Variants in MRNIP observed in about 807,000 individuals in gnomAD.
MRNIP encodes the protein MRN complex-interacting protein.
MRNIP carries 30 observed loss-of-function variants against 29.8 expected under a neutral mutation model. The ratio of observed to expected loss-of-function variants is 1.01; its 90% CI spans 0.75 to 1.36. The LOEUF is 1.36. Among genes scored for constraint, MRNIP ranks in the 40% most tolerant of loss-of-function variants. MRNIP has a pLI of 0.00. For synonymous variants in MRNIP, 201 were observed against 164.1 expected (o/e 1.23, Z -1.72); for missense variants, 459 against 423.5 (o/e 1.08, Z -0.74).
intron 1 of MRNIP, among the ~76,000 whole-genome samples, chr5:179,857,810 C>T (rs1430784931): frequency 2.6e-5 from 4 of 152,052 alleles, no homozygotes; most frequent in African/African-American, 9.7e-5. Flanking sequence ...GTCAGGAGTT[C>T]GAGACCGGCC....
At chr5:179,841,151 G>A (rs1758867460) in intron 5 of MRNIP, 192 bp from the exon 6 acceptor site, 2 of 575,320 alleles carry the variant, frequency 3.5e-6, no homozygotes, top group Non-Finnish European at 6.2e-6. Flanking sequence ...GTGCTAGAAA[G>A]TTTTGTTTTT....
intron 4 of MRNIP, among the ~76,000 whole-genome samples, chr5:179,842,786 A>G (rs1242048874): frequency 6.8e-6 from 1 of 146,502 alleles, no homozygotes; most frequent in African/African-American, 2.5e-5. Flanking sequence ...TAACCCTAGC[A>G]CCGTGGGAGG....
At chr5:179,851,802 C>T (rs1020286806) in intron 2 of MRNIP, among the ~76,000 whole-genome samples, 1 of 151,898 alleles carries the variant, frequency 6.6e-6, no homozygotes, top group Non-Finnish European at 1.5e-5. Flanking sequence ...CATGGTGAAA[C>T]CCCATCTCTA....
At chr5:179,853,184 C>T (rs1373528872) in intron 2 of MRNIP, 194 bp downstream of exon 2, 2 of 1,509,962 alleles carry the variant, frequency 1.3e-6, no homozygotes, top group Admixed American at 2.0e-5. Flanking sequence ...AATGAAGAAT[C>T]AAATGGCAGT....
intron 3 of MRNIP, among the ~76,000 whole-genome samples, chr5:179,845,078 A>C (rs1759072325): frequency 6.6e-6 from 1 of 152,026 alleles, no homozygotes; most frequent in African/African-American, 2.4e-5. Flanking sequence ...ACTTTCCCTT[A>C]TATTTTCTAC....
Position 179,837,277 on chromosome 5 carries a change from G to A in MRNIP, c.*114C>T. 3 of 1,606,798 alleles carry A rather than the reference G, an allele frequency of 1.9e-6. No individual in the cohort carries two copies. In the South Asian group the frequency reaches 3.3e-5, roughly 18 times the overall value. On this transcript the variant is annotated 3_prime_UTR_variant, in exon 7 of 7. Transcript: ENST00000292586. ...CAATGACGTTTGCATAGAGAGAAAT[G>A]ATTGACAGTAAGTTTATTGTTAATG...
chr5:179,858,608 G>T, intron 1 of MRNIP, 123 bp downstream of exon 1: 1 of 626,238 alleles, frequency 1.6e-6, no homozygotes, highest in African/African-American at 1.9e-5. Context: ...GCCCTCAGCG[G>T]TCCCTGCACT....
intron 4 of MRNIP, among the ~76,000 whole-genome samples, chr5:179,842,543 A>C (rs998430030): frequency 1.4e-4 from 21 of 150,330 alleles, no homozygotes; most frequent in East Asian, 7.9e-4. Context: ...CAAAAAAAAA[A>C]CAAAAAATTA....
At chr5:179,854,808 G>GT (rs1408850509) in intron 1 of MRNIP, among the ~76,000 whole-genome samples, 2 of 151,800 alleles carry the variant, frequency 1.3e-5, no homozygotes, top group African/African-American at 2.4e-5. Context: ...AAAAAATTCC[G>GT]TAACATTTAT....
intron 2 of MRNIP, among the ~76,000 whole-genome samples, chr5:179,848,727 T>C (rs1018320123): frequency 1.3e-5 from 2 of 152,344 alleles, no homozygotes; most frequent in Middle Eastern, 3.4e-3. Context: ...CCGTTTTACA[T>C]AAGGTGTTCA....
chr5:179,856,885 T>A (rs1322636950), intron 1 of MRNIP, among the ~76,000 whole-genome samples: 1 of 150,756 alleles, frequency 6.6e-6, no homozygotes, highest in East Asian at 2.0e-4. Context: ...GCCCAGGAGT[T>A]CCAGACCAGC....
At chr5:179,843,857 G>A (rs183717496) in intron 4 of MRNIP, among the ~76,000 whole-genome samples, 1 of 152,318 alleles carries the variant, frequency 6.6e-6, no homozygotes, top group East Asian at 1.9e-4. Context: ...CCAGAGTGCT[G>A]TGGGAGCAAA....
chr5:179,845,912 G>A (rs1178861933), intron 3 of MRNIP: 3 of 152,180 alleles, frequency 2.0e-5, no homozygotes, highest in Non-Finnish European at 4.4e-5. Context: ...TGGCTAGGTG[G>A]TGTCCCCTTC....
At chr5:179,842,294 C>G (rs113864084) in intron 4 of MRNIP, among the ~76,000 whole-genome samples, 1 of 152,112 alleles carries the variant, frequency 6.6e-6, no homozygotes, top group African/African-American at 2.4e-5. Context: ...CCAAGAGACT[C>G]ATGAAAGTCT....
intron 4 of MRNIP, among the ~76,000 whole-genome samples, chr5:179,842,625 G>A (rs1389235321): frequency 1.6e-4 from 22 of 141,310 alleles, no homozygotes; most frequent in Non-Finnish European, 2.4e-4. Flanking sequence ...GTGTGAACCC[G>A]GGAGGCGGGG....
Position 179,846,856 on chromosome 5 carries a change from C to T in MRNIP, c.215+1122G>A, listed in dbSNP as rs117243231. Among the ~76,000 whole-genome samples, 10 of 152,168 alleles carry T rather than the reference C, an allele frequency of 6.6e-5. No homozygotes were observed. In the East Asian group the frequency reaches 7.7e-4, roughly 12 times the overall value. Reference sequence around the variant, plus strand: ...TTTGTACACCGAGGGTGTAGTCCTCCGGGAGCTCAGTTTTGTTAGGAGGTG... The same window carrying T: ...TTTGTACACCGAGGGTGTAGTCCTCTGGGAGCTCAGTTTTGTTAGGAGGTG... On this transcript the variant is annotated intron_variant, in intron 3 of 6. Coordinates refer to ENST00000292586, the MANE Select transcript of MRNIP (RefSeq NM_016175.4).
intron 1 of MRNIP, among the ~76,000 whole-genome samples, chr5:179,854,089 C>T (rs1382018634): frequency 6.8e-6 from 1 of 148,066 alleles, no homozygotes; most frequent in African/African-American, 2.5e-5. Context: ...GGCGCAATCT[C>T]GGCTCACTGC....
intron 2 of MRNIP, among the ~76,000 whole-genome samples, chr5:179,850,757 T>C (rs1408043988): frequency 6.6e-6 from 1 of 152,224 alleles, no homozygotes; most frequent in Non-Finnish European, 1.5e-5. Context: ...CTGAAGCGCA[T>C]TCTTCCCGAA....
At chr5:179,838,246 T>TA (rs1758703691) in intron 6 of MRNIP, 1 of 286,232 alleles carries the variant, frequency 3.5e-6, no homozygotes, top group Non-Finnish European at 6.7e-6. Context: ...TCCATTCTGC[T>TA]ACCTCCCACC....
Sources: gnomAD v4.1 joint callset for allele counts (sites outside exome capture counted in the v4.1 genomes callset) on GRCh38, gnomAD v4.1.1 for gene constraint, MANE v1.5 for transcripts, NCBI Gene and HGNC (gene_info 2026-07-23, HGNC 2026-07-21) for gene names.